Variants in RPTOR observed in about 807,000 individuals in gnomAD.
RPTOR encodes regulatory-associated protein of mTOR.
A neutral mutation model predicts 169.9 loss-of-function variants in RPTOR; 21 were observed. The ratio of observed to expected loss-of-function variants is 0.12; its 90% confidence interval spans 0.09 to 0.18. RPTOR has a LOEUF of 0.18. Ranked by LOEUF, RPTOR falls within the 10% of genes least tolerant of loss-of-function variation. The probability of loss-of-function intolerance (pLI) is 1.00; values close to 1 mark genes in which losing one functional copy is unlikely to be tolerated. For missense variants in RPTOR, 1,133 were observed against 1,855.9 expected (o/e 0.61, Z 7.16); for synonymous variants, 732 against 753.2 (o/e 0.97, Z 0.46).
At chr17:80,961,334 C>T (rs1218141161) in intron 30 of RPTOR, 60 bp from the exon 31 acceptor site, 4 of 1,487,652 alleles carry the variant, frequency 2.7e-6, no homozygotes, top group Admixed American at 2.1e-5. Context: ...GGTGAGAGCC[C>T]CGAAGGGTGG....
intron 21 of RPTOR, among the ~76,000 whole-genome samples, chr17:80,922,480 G>C (rs2068757252): frequency 6.6e-6 from 1 of 152,162 alleles, no homozygotes. Flanking sequence ...CAGACATCCC[G>C]GCTCACACGG....
At position 80,893,570 on chromosome 17, in the gene RPTOR, GTGTACCAGGGTGTGTT is replaced by G. The variant is rs1345750425; in HGVS notation, c.2243-133_2243-118del. 81 of 1,070,628 alleles carry G rather than the reference GTGTACCAGGGTGTGTT, an allele frequency of 7.6e-5. No individual in the cohort carries two copies. In the African/African-American group the frequency reaches 1.0e-3, roughly 14 times the overall value. 66.3% of individuals were successfully genotyped at this position (1,070,628 alleles called of 1,614,324 possible). ...AGGGTGTGTGCGCACCAGGGTGTGT[GTGTACCAGGGTGTGTT>G]TGTGCCTGGGTGTGCTGAGCTTTAT... On this transcript the variant is annotated intron_variant, in intron 19 of 33. Transcript: ENST00000306801.
At chr17:80,942,725 T>C (rs1265300105) in intron 25 of RPTOR, among the ~76,000 whole-genome samples, 3 of 152,200 alleles carry the variant, frequency 2.0e-5, no homozygotes, top group Non-Finnish European at 4.4e-5. Context: ...ACCAGAGAAG[T>C]CGGCGTCGCC....
At chr17:80,911,427 G>A (rs2068611763) in intron 21 of RPTOR, among the ~76,000 whole-genome samples, 2 of 152,190 alleles carry the variant, frequency 1.3e-5, no homozygotes, top group South Asian at 4.1e-4. Flanking sequence ...TCATTATGCG[G>A]TAAGAAAACT....
chr17:80,766,374 G>A (rs1437257466), intron 6 of RPTOR, among the ~76,000 whole-genome samples: 1 of 152,126 alleles, frequency 6.6e-6, no homozygotes, highest in Non-Finnish European at 1.5e-5. Flanking sequence ...AATAGAGACA[G>A]GGTCTCTCCC....
At chr17:80,635,944 G>A (rs2065502979) in intron 2 of RPTOR, among the ~76,000 whole-genome samples, 1 of 152,118 alleles carries the variant, frequency 6.6e-6, no homozygotes, top group Admixed American at 6.5e-5. Context: ...CATGGAGGAA[G>A]CCAAAACAGG....
rs561256115 is a variant in RPTOR, at chr17:80,774,196, C to T, written c.831-17254C>T. On this transcript the variant is annotated intron_variant, in intron 6 of 33. Coordinates refer to ENST00000306801, the MANE Select transcript of RPTOR (RefSeq NM_020761.3). ...GGGAGTCTGGATGTCAAGCTGGTCC[C>T]GTCTCCACCCGCCTTGAGTTCTCGG... 1.8e-4 allele frequency: 181 copies of T among 985,384 alleles called. No homozygotes were observed. The Middle Eastern group carries it at 2.6e-3, about 14-fold the overall frequency. The allele number at this position is 985,384 out of a possible 1,614,324, so 61.0% of individuals were successfully genotyped here. A position where few individuals can be genotyped will look rare whatever the true frequency, so the allele number is the denominator to read the frequency against.
In RPTOR at chr17:80,841,195, G is replaced by A. The variant is rs369461759; in HGVS notation, c.1212+3198G>A. On this transcript the variant is annotated intron_variant, in intron 10 of 33. Transcript: ENST00000306801. ...CACCGCACGGCAGCTCACACTCACC[G>A]CACGGCAGCTCACTCTCACCGCACG... 2.5e-3 allele frequency among the ~76,000 whole-genome samples: 81 copies of A among 32,164 alleles called. 1 individual carries two copies. The highest frequency in any genetic ancestry group is 0.029 in the Middle Eastern group (1 of 34). 21.1% of individuals were successfully genotyped at this position (32,164 alleles called of 152,430 possible).
chr17:80,714,010 C>G (rs1039535012), intron 4 of RPTOR, among the ~76,000 whole-genome samples: 61 of 152,258 alleles, frequency 4.0e-4, no homozygotes, highest in African/African-American at 1.4e-3. Context: ...GTGATCTCGG[C>G]TCACTGCAAC....
chr17:80,574,197 G>A (rs1276982600), intron 1 of RPTOR, among the ~76,000 whole-genome samples: 3 of 130,014 alleles, frequency 2.3e-5, no homozygotes, highest in African/African-American at 9.0e-5. Flanking sequence ...TCGCTCTGTC[G>A]CCCAGGCCGG....
intron 3 of RPTOR, among the ~76,000 whole-genome samples, chr17:80,696,411 A>G (rs567565600): frequency 6.6e-6 from 1 of 152,340 alleles, no homozygotes; most frequent in South Asian, 2.1e-4. Context: ...TGTTGGGACA[A>G]AAAAAATGAT....
intron 1 of RPTOR, among the ~76,000 whole-genome samples, chr17:80,570,659 C>T (rs1304577096): frequency 6.6e-6 from 1 of 152,088 alleles, no homozygotes; most frequent in African/African-American, 2.4e-5. Flanking sequence ...TGGGGTTTTA[C>T]CATGTTGGCC....
At chr17:80,750,186 C>T (rs1167983053) in intron 5 of RPTOR, among the ~76,000 whole-genome samples, 2 of 152,180 alleles carry the variant, frequency 1.3e-5, no homozygotes, top group Non-Finnish European at 2.9e-5. Context: ...GTAAACCACA[C>T]TGATATTTTT....
intron 2 of RPTOR, among the ~76,000 whole-genome samples, chr17:80,634,323 C>CTG (rs2065472164): frequency 4.9e-5 from 2 of 40,926 alleles, no homozygotes; most frequent in African/African-American, 1.0e-4. Flanking sequence ...CGTGTGCGTA[C>CTG]TATGTGCGTG....
intron 33 of RPTOR, 33 bp downstream of exon 33, chr17:80,963,090 GGGGGC>G: frequency 8.2e-7 from 1 of 1,222,046 alleles, no homozygotes; most frequent in Non-Finnish European, 1.2e-6. Context: ...GTCGGGGGTC[GGGGGC>G]TGGGGTAGAG....
chr17:80,714,266 GA>G (rs1454851871), intron 4 of RPTOR, among the ~76,000 whole-genome samples: 1 of 152,048 alleles, frequency 6.6e-6, no homozygotes, highest in East Asian at 1.9e-4. Context: ...TTCTTATTGA[GA>G]AAACTCTAGG....
chr17:80,813,153 G>A (rs1354389157), intron 7 of RPTOR, among the ~76,000 whole-genome samples: 1 of 152,152 alleles, frequency 6.6e-6, no homozygotes, highest in African/African-American at 2.4e-5. Context: ...CTTTAATTAT[G>A]ATCACTCAAA....
intron 6 of RPTOR, 78 bp from the exon 7 acceptor site, chr17:80,791,372 C>G (rs2067046460): frequency 2.3e-6 from 3 of 1,316,942 alleles, no homozygotes; most frequent in African/African-American, 1.5e-5. Context: ...TTTAACTCTT[C>G]CCTTTTTCTG....
intron 1 of RPTOR, among the ~76,000 whole-genome samples, chr17:80,578,276 G>C (rs2064983489): frequency 6.6e-6 from 1 of 152,080 alleles, no homozygotes; most frequent in South Asian, 2.1e-4. Context: ...CACTGCTTTG[G>C]TCCTGAGTTT....
Sources: allele counts gnomAD v4.1 joint callset (sites outside exome capture counted in the v4.1 genomes callset), GRCh38; gene constraint gnomAD v4.1.1; transcripts MANE v1.5; gene names NCBI Gene and HGNC (gene_info 2026-07-23, HGNC 2026-07-21).